The following PTPRD variants were observed in gnomAD, a reference collection of about 807,000 sequenced individuals.
PTPRD encodes receptor-type tyrosine-protein phosphatase delta.
Under a neutral mutation model 214.5 loss-of-function variants are expected in PTPRD, and 34 were observed. The ratio of observed to expected loss-of-function variants is 0.16; its 90% CI spans 0.12 to 0.21. PTPRD has a LOEUF of 0.21. Ranked by LOEUF, PTPRD falls within the 10% of genes least tolerant of loss-of-function variation. The pLI, the probability that PTPRD is intolerant of heterozygous loss-of-function variation, is 1.00. For synonymous variants in PTPRD, 1,128 were observed against 845.7 expected (o/e 1.33, Z -5.79); for missense variants, 2,545 against 2,398.7 (o/e 1.06, Z -1.27).
At chr9:8,713,252 C>A in intron 12 of PTPRD, 1 of 633,828 alleles carries the variant, frequency 1.6e-6, no homozygotes, top group South Asian at 1.8e-5. Flanking sequence ...TCCAATTGTC[C>A]ACTTAAAATC....
At chr9:9,516,998 T>C (rs1343431234) in intron 8 of PTPRD, among the ~76,000 whole-genome samples, 2 of 152,034 alleles carry the variant, frequency 1.3e-5, no homozygotes, top group African/African-American at 4.8e-5. Context: ...GATATAAACA[T>C]AATAAATGCT....
intron 3 of PTPRD, among the ~76,000 whole-genome samples, chr9:10,272,235 C>G (rs1263865703): frequency 1.3e-5 from 2 of 152,202 alleles, no homozygotes; most frequent in Non-Finnish European, 2.9e-5. Context: ...GCTTCTTTCG[C>G]TTAACATAAT....
chr9:8,830,934 T>A (rs569254300), intron 11 of PTPRD, among the ~76,000 whole-genome samples: 1 of 152,188 alleles, frequency 6.6e-6, no homozygotes, highest in East Asian at 1.9e-4. Context: ...AAGTGATATA[T>A]CAGCATTTAG....
chr9:9,314,525 A>G (rs999744621), intron 9 of PTPRD, among the ~76,000 whole-genome samples: 5 of 152,118 alleles, frequency 3.3e-5, no homozygotes, highest in Non-Finnish European at 1.5e-5. Flanking sequence ...GCTTGACAAA[A>G]TGTTATCAAA....
intron 14 of PTPRD, among the ~76,000 whole-genome samples, chr9:8,631,755 G>C (rs192142372): frequency 3.3e-5 from 5 of 151,612 alleles, no homozygotes; most frequent in Non-Finnish European, 5.9e-5. Flanking sequence ...TATTATCTTG[G>C]GTTATTACAA....
At chr9:10,181,535 C>CT (rs202235286) in intron 3 of PTPRD, among the ~76,000 whole-genome samples, 3 of 150,914 alleles carry the variant, frequency 2.0e-5, no homozygotes, top group Non-Finnish European at 4.4e-5. Flanking sequence ...CAAACACTAA[C>CT]TTTTTTTTTC....
chr9:9,937,662 A>G (rs913799618), intron 5 of PTPRD, among the ~76,000 whole-genome samples: 17 of 152,102 alleles, frequency 1.1e-4, no homozygotes, highest in Admixed American at 2.0e-4. Flanking sequence ...TCTTGTATCT[A>G]TTTTATAGCA....
intron 9 of PTPRD, among the ~76,000 whole-genome samples, chr9:9,292,527 C>T (rs1226991540): frequency 6.6e-6 from 1 of 151,294 alleles, no homozygotes; most frequent in African/African-American, 2.4e-5. Context: ...CTCATATACT[C>T]CACATCCATT....
intron 7 of PTPRD, among the ~76,000 whole-genome samples, chr9:9,667,854 G>T (rs2096752963): frequency 6.6e-6 from 1 of 152,138 alleles, no homozygotes; most frequent in Admixed American, 6.5e-5. Context: ...AGCATCCTTG[G>T]TGACCTTGCC....
At chr9:9,692,485 T>C (rs1189520648) in intron 7 of PTPRD, among the ~76,000 whole-genome samples, 1 of 152,004 alleles carries the variant, frequency 6.6e-6, no homozygotes, top group African/African-American at 2.4e-5. Context: ...CATTAGTTTA[T>C]GTGTCTGTTT....
intron 12 of PTPRD, among the ~76,000 whole-genome samples, chr9:8,679,500 A>AT (rs2097507842): frequency 6.6e-6 from 1 of 152,170 alleles, no homozygotes; most frequent in African/African-American, 2.4e-5. Flanking sequence ...TGAAACTACA[A>AT]TTTTACACAG....
At chr9:8,408,504 A>C (rs1007927616) in intron 35 of PTPRD, among the ~76,000 whole-genome samples, 9 of 152,172 alleles carry the variant, frequency 5.9e-5, no homozygotes, top group African/African-American at 2.2e-4. Flanking sequence ...TCCGTTGTGG[A>C]GAATTTTGCA....
chr9:9,058,068 T>C (rs1421449541), intron 10 of PTPRD, among the ~76,000 whole-genome samples: 3 of 152,156 alleles, frequency 2.0e-5, no homozygotes, highest in Non-Finnish European at 4.4e-5. Flanking sequence ...AAAAAATAAT[T>C]CACAGGACTC....
intron 5 of PTPRD, among the ~76,000 whole-genome samples, chr9:9,823,518 T>C (rs978576637): frequency 6.6e-6 from 1 of 151,914 alleles, no homozygotes; most frequent in Non-Finnish European, 1.5e-5. Flanking sequence ...ATCCAAACTA[T>C]ACCAATATAC....
intron 9 of PTPRD, among the ~76,000 whole-genome samples, chr9:9,387,921 C>A (rs1279207650): frequency 6.6e-6 from 1 of 152,132 alleles, no homozygotes; most frequent in Non-Finnish European, 1.5e-5. Flanking sequence ...TTACAGGGTG[C>A]TCTTTTAGTT....
chr9:10,559,745 G>A (rs535278482), intron 2 of PTPRD, among the ~76,000 whole-genome samples: 208 of 152,078 alleles, frequency 1.4e-3, no homozygotes, highest in Non-Finnish European at 2.4e-3. Context: ...AAAAGTGGGC[G>A]AAGGACATGA....
chr9:8,923,624 A>T (rs1204281770), intron 11 of PTPRD, among the ~76,000 whole-genome samples: 1 of 152,202 alleles, frequency 6.6e-6, no homozygotes, highest in African/African-American at 2.4e-5. Context: ...AAAAATGCAA[A>T]AAAAAGTTAC....
At chr9:9,879,238 T>C (rs1186542608) in intron 5 of PTPRD, among the ~76,000 whole-genome samples, 1 of 152,180 alleles carries the variant, frequency 6.6e-6, no homozygotes, top group East Asian at 1.9e-4. Flanking sequence ...TCCTTAGTAT[T>C]AACATTTGAG....
At chr9:10,098,568 AG>A (rs2098518653) in intron 3 of PTPRD, among the ~76,000 whole-genome samples, 1 of 151,834 alleles carries the variant, frequency 6.6e-6, no homozygotes, top group South Asian at 2.1e-4. Context: ...CTCATATTTC[AG>A]TGGAAAGAGG....
Sources: gnomAD v4.1 joint callset for allele counts (sites outside exome capture counted in the v4.1 genomes callset) on GRCh38, gnomAD v4.1.1 for gene constraint, MANE v1.5 for transcripts, NCBI Gene and HGNC (gene_info 2026-07-23, HGNC 2026-07-21) for gene names.